Variants in OSBPL9 observed in about 807,000 individuals in gnomAD.
OSBPL9 encodes oxysterol binding protein like 9, also known as oxysterol-binding protein-related protein 9.
Under a neutral mutation model 106.6 loss-of-function variants are expected in OSBPL9, and 40 were observed. The ratio of observed to expected loss-of-function variants is 0.38; its 90% confidence interval spans 0.29 to 0.49. OSBPL9 has a LOEUF of 0.49. OSBPL9 is among the 20% of genes least tolerant of loss of function. The probability of loss-of-function intolerance (pLI) is 0.97; values close to 1 mark genes in which losing one functional copy is unlikely to be tolerated. For missense variants in OSBPL9, 609 were observed against 887.2 expected, an observed-to-expected ratio of 0.69 and a Z score of 3.98; for synonymous variants, 269 against 295.4, an observed-to-expected ratio of 0.91 and a Z score of 0.92.
intron 1 of OSBPL9, among the ~76,000 whole-genome samples, chr1:51,596,047 A>G (rs1028420843): frequency 2.0e-5 from 3 of 151,954 alleles, no homozygotes; most frequent in Non-Finnish European, 4.4e-5. Context: ...ACCTGAGGCC[A>G]GGAGTTTGAG....
chr1:51,737,934 A>G (rs192274601), intron 4 of OSBPL9, among the ~76,000 whole-genome samples: 1 of 152,144 alleles, frequency 6.6e-6, no homozygotes, highest in East Asian at 1.9e-4. Context: ...CTTGAGAGTG[A>G]AGGAGGCTGC....
chr1:51,636,444 C>T (rs1056833149), intron 1 of OSBPL9, among the ~76,000 whole-genome samples: 5 of 151,612 alleles, frequency 3.3e-5, no homozygotes, highest in Admixed American at 2.6e-4. Flanking sequence ...CTGAAACCAT[C>T]CTCCCACCTC....
At chr1:51,608,631 A>G (rs1356080443) in intron 2 of OSBPL9, among the ~76,000 whole-genome samples, 1 of 151,100 alleles carries the variant, frequency 6.6e-6, no homozygotes, top group Non-Finnish European at 1.5e-5. Context: ...GAGATAGTTT[A>G]ACAATCTCCT....
chr1:51,734,132 A>G (rs1036021242), intron 4 of OSBPL9, among the ~76,000 whole-genome samples: 4 of 152,192 alleles, frequency 2.6e-5, no homozygotes, highest in Admixed American at 1.3e-4. Flanking sequence ...GTTGCTCTGT[A>G]TGTGTGTGTA....
chr1:51,539,374 T>G, the OSBPL9 span, among the ~76,000 whole-genome samples: 15 of 152,292 alleles, frequency 9.8e-5, no homozygotes, highest in Admixed American at 1.3e-4. Context: ...TCCAAAATTA[T>G]GTGAAATTAG....
the OSBPL9 span, among the ~76,000 whole-genome samples, chr1:51,531,802 A>G: frequency 3.3e-5 from 5 of 152,138 alleles, no homozygotes; most frequent in African/African-American, 4.8e-5. Context: ...AGACTGTCCA[A>G]GTGTCTATAA....
At chr1:51,624,063 CCCA>C (rs1379456686) in intron 1 of OSBPL9, among the ~76,000 whole-genome samples, 1 of 151,748 alleles carries the variant, frequency 6.6e-6, no homozygotes, top group African/African-American at 2.4e-5. Flanking sequence ...GATTAAGGCA[CCCA>C]CCACCAGGCC....
chr1:51,703,295 C>G (rs560781054), intron 3 of OSBPL9, among the ~76,000 whole-genome samples: 70 of 152,190 alleles, frequency 4.6e-4, no homozygotes, highest in East Asian at 2.3e-3. Context: ...TCTTCCATTT[C>G]TTTGTATCCT....
intron 1 of OSBPL9, among the ~76,000 whole-genome samples, chr1:51,585,273 C>G (rs79365992): frequency 6.6e-6 from 1 of 152,006 alleles, no homozygotes; most frequent in Non-Finnish European, 1.5e-5. Context: ...AAATTCAGAC[C>G]TGATTCAAAC....
intron 3 of OSBPL9, chr1:51,709,283 G>T (rs1659306344): frequency 4.6e-6 from 1 of 216,084 alleles, no homozygotes; most frequent in Admixed American, 4.1e-5. Context: ...TTCTGGAGGG[G>T]CACCTGGCCA....
intron 1 of OSBPL9, among the ~76,000 whole-genome samples, chr1:51,625,384 C>T (rs1644707027): frequency 6.6e-6 from 1 of 152,224 alleles, no homozygotes; most frequent in East Asian, 1.9e-4. Flanking sequence ...TAATCCCGAT[C>T]AAAACTAGAA....
Position 51,785,810 on chromosome 1 carries a change from C to T in OSBPL9, c.1832C>T (p.Ser611Phe). The change falls in exon 21 of 24, where the codon TCT becomes TTT. Residue 611 changes from serine (S) to phenylalanine (F), a missense_variant and splice_region_variant. This residue lies in a region of OSBPL9 where 132 missense variants were observed against 158.1 expected (regional missense o/e 0.83). Coordinates refer to ENST00000428468, the MANE Select transcript of OSBPL9 (RefSeq NM_024586.6). Reference protein sequence around the residue: ...KKHRITAEIFSPNDKKSFCSI... With the variant: ...KKHRITAEIFFPNDKKSFCSI... ...CAAGTATTTCCTTTTCTGTTCAGTT[C>T]TCCAAATGACAAGAAGTCTTTTTGC... 1 of 1,609,616 alleles carries T rather than the reference C, an allele frequency of 6.2e-7. No individual in the cohort carries two copies. Among genetic ancestry groups the T allele is most frequent in the Non-Finnish European group, 8.5e-7 (1 of 1,178,692 alleles).
intron 2 of OSBPL9, among the ~76,000 whole-genome samples, chr1:51,611,605 A>G (rs897715354): frequency 3.0e-4 from 46 of 152,224 alleles, no homozygotes; most frequent in African/African-American, 1.1e-3. Context: ...GAAAAAATTA[A>G]TGGTCTAAAC....
rs202075577 is a variant in OSBPL9, at chr1:51,705,376, CATAT to C, written c.242-8606_242-8603del. On this transcript the variant is annotated intron_variant, in intron 3 of 23. Coordinates refer to ENST00000428468, the MANE Select transcript of OSBPL9 (RefSeq NM_024586.6). Reference sequence around the variant, plus strand: ...CTCTGTATGAGTATTTAGGGTGTTTCATATATATATATATATATATATATTTTTT... The same window carrying C: ...CTCTGTATGAGTATTTAGGGTGTTTCATATATATATATATATATATTTTTT... 3.0e-3 allele frequency among the ~76,000 whole-genome samples: 127 copies of C among 41,654 alleles called. 1 individual carries two copies. Among genetic ancestry groups the C allele is most frequent in the African/African-American group, 7.8e-3 (69 of 8,896 alleles). The allele number at this position is 41,654 out of a possible 152,430, so 27.3% of individuals were successfully genotyped here. A position where few individuals can be genotyped will look rare whatever the true frequency, so the allele number is the denominator to read the frequency against.
At chr1:51,625,033 C>G (rs1217413321) in intron 1 of OSBPL9, among the ~76,000 whole-genome samples, 2 of 152,188 alleles carry the variant, frequency 1.3e-5, no homozygotes, top group African/African-American at 4.8e-5. Flanking sequence ...GTAAGTTTTA[C>G]AGAATATACT....
At chr1:51,543,278 G>T in the OSBPL9 span, among the ~76,000 whole-genome samples, 1 of 152,230 alleles carries the variant, frequency 6.6e-6, no homozygotes. Context: ...TGATAAACTT[G>T]AGATCTTCTC....
intron 3 of OSBPL9, among the ~76,000 whole-genome samples, chr1:51,677,591 G>T (rs972855447): frequency 1.3e-5 from 2 of 150,374 alleles, no homozygotes; most frequent in Admixed American, 1.3e-4. Context: ...CAGGCTTGTC[G>T]CCCAGGCTGG....
At chr1:51,742,473 TG>T (rs1047452971) in intron 4 of OSBPL9, among the ~76,000 whole-genome samples, 13 of 152,206 alleles carry the variant, frequency 8.5e-5, no homozygotes, top group African/African-American at 3.1e-4. Context: ...TCAGCACTTT[TG>T]GGGACACTGA....
intron 2 of OSBPL9, among the ~76,000 whole-genome samples, chr1:51,652,257 G>A (rs1487059451): frequency 6.6e-6 from 1 of 152,148 alleles, no homozygotes; most frequent in African/African-American, 2.4e-5. Flanking sequence ...ATTCAATGTT[G>A]TATTTATGAC....
Sources: allele counts gnomAD v4.1 joint callset (sites outside exome capture counted in the v4.1 genomes callset), GRCh38; gene constraint gnomAD v4.1.1; regional missense constraint gnomAD v4.1.1; transcripts MANE v1.5; gene names NCBI Gene and HGNC (gene_info 2026-07-23, HGNC 2026-07-21).